Variants in SYCE2 observed in about 807,000 individuals in gnomAD.
The protein encoded by SYCE2 is synaptonemal complex central element protein 2.
SYCE2 carries 3 observed loss-of-function variants against 27.9 expected under a neutral mutation model. The observed-to-expected ratio is 0.11, with a 90% confidence interval of 0.05 to 0.28. The LOEUF is 0.28. Ranked by LOEUF, SYCE2 falls within the 10% of genes least tolerant of loss-of-function variation. The pLI is 1.00. For synonymous variants in SYCE2, 85 were observed against 100.7 expected (o/e 0.84, Z 0.93); for missense variants, 207 against 263.5 (o/e 0.79, Z 1.48).
intron 2 of SYCE2, among the ~76,000 whole-genome samples, chr19:12,910,671 C>A (rs1485577874): frequency 6.6e-6 from 1 of 151,048 alleles, no homozygotes; most frequent in Admixed American, 6.6e-5. Context: ...CCACGCCTGA[C>A]CTTTTATATA....
rs1280694858 is a variant in SYCE2 at position 12,903,396 on chromosome 19, CT to C, written c.306+1095del. ...CTGAGCCACCACGCCCGGCCCTCTT[CT>C]TTTTTTTTTTTTGAGACGGAGTCTC... On this transcript the variant is annotated intron_variant, in intron 3 of 5. Coordinates refer to ENST00000293695, the MANE Select transcript of SYCE2 (RefSeq NM_001105578.2). Among the ~76,000 whole-genome samples, 227 of 124,802 alleles carry C rather than the reference CT, an allele frequency of 1.8e-3. 1 individual carries two copies. Among genetic ancestry groups the C allele is most frequent in the East Asian group, 5.0e-3 (20 of 3,978 alleles). 81.9% of individuals were successfully genotyped at this position (124,802 alleles called of 152,430 possible).
chr19:12,904,591 G>A lies in SYCE2; in HGVS notation c.207C>T (p.Ile69=). Residue 69 remains isoleucine, a synonymous_variant, in exon 3 of 6, where the codon ATC becomes ATT. Coordinates refer to ENST00000293695, the MANE Select transcript of SYCE2 (RefSeq NM_001105578.2). ...TCAGCTCCTGGGCTCTCTTCTGCAG[G>A]ATGTCAATGCTTGAGTCCAGAGAGG... is the stretch of plus-strand genomic sequence containing the variant. ...YFSSLDSSID[I]LQKRAQELIE... 6.2e-7 allele frequency: 1 copy of A among 1,614,052 alleles called. No individual in the cohort carries two copies. The highest frequency in any genetic ancestry group is 8.5e-7 in the Non-Finnish European group (1 of 1,180,028).
Position 12,900,116 on chromosome 19 carries a change from C to G in SYCE2, c.500G>C (p.Ser167Thr). 6.2e-7 allele frequency: 1 copy of G among 1,603,334 alleles called. No individual in the cohort carries two copies. Among genetic ancestry groups the G allele is most frequent in the Non-Finnish European group, 8.5e-7 (1 of 1,176,698 alleles). ...YKDLCLQPEQSLRLRWGPDHS... is the reference protein window; with the variant it reads ...YKDLCLQPEQTLRLRWGPDHS... ...GTCTGGCCCCCATCTGAGTCTTAGG[C>G]TCTGCTGTAAAAAAGAAACCCAGGT... Residue 167 changes from serine (S) to threonine (T), a missense_variant, in exon 5 of 6, where the codon AGC becomes ACC. Ser to Thr is a moderately conservative substitution (Grantham distance 58, BLOSUM62 1). Transcript: ENST00000293695.
At chr19:12,913,436 A>C (rs741702) in intron 2 of SYCE2, among the ~76,000 whole-genome samples, 95,234 of 151,934 alleles carry the variant, frequency 0.63, 30,244 homozygotes, top group East Asian at 0.85. Flanking sequence ...ATGACCACCG[A>C]GGGTGGCAGT....
At position 12,918,201 on chromosome 19, in the gene SYCE2, T is replaced by C. The variant is rs201507870; in HGVS notation, c.131+21A>G. On this transcript the variant is annotated intron_variant, in intron 2 of 5. Coordinates refer to ENST00000293695, the MANE Select transcript of SYCE2 (RefSeq NM_001105578.2). ...GGACCCAGGGGCCTGTGTAGACCCA[T>C]AGGGCTGGGATCTTCCTCACCTAGC... The C allele has an allele frequency of 1.3e-3, 2,010 of 1,603,172 alleles. 4 individuals are homozygous for C. The highest frequency in any genetic ancestry group is 1.5e-3 in the Non-Finnish European group (1,752 of 1,170,148).
rs897150389 is a variant in SYCE2, at chr19:12,899,827, A to G, written c.612+177T>C. On this transcript the variant is annotated intron_variant, in intron 5 of 5. Coordinates refer to ENST00000293695, the MANE Select transcript of SYCE2 (RefSeq NM_001105578.2). ...CAGCTTCTCTTGAGAGGAGAGTGAC[A>G]TGGAAGCAACTCCGTCTGCTGCAGC... 11 of 1,577,936 alleles carry G rather than the reference A, an allele frequency of 7.0e-6. No homozygotes were observed. The African/African-American group carries it at 1.3e-4, about 19-fold the overall frequency.
chr19:12,918,979 A>T (rs1971192043), intron 1 of SYCE2, among the ~76,000 whole-genome samples: 1 of 151,504 alleles, frequency 6.6e-6, no homozygotes, highest in Non-Finnish European at 1.5e-5. Flanking sequence ...AAATGAAAGA[A>T]ACGGGTGCGG....
chr19:12,903,096 T>A (rs907938963), intron 3 of SYCE2, among the ~76,000 whole-genome samples: 1 of 146,644 alleles, frequency 6.8e-6, no homozygotes, highest in Non-Finnish European at 1.5e-5. Context: ...TTTTTCTTCT[T>A]TTTTTTTTTT....
At chr19:12,904,910 CAGG>C (rs1297689212) in intron 2 of SYCE2, among the ~76,000 whole-genome samples, 1 of 151,758 alleles carries the variant, frequency 6.6e-6, no homozygotes, top group Non-Finnish European at 1.5e-5. Context: ...GAGGCTGAGG[CAGG>C]AGAATTGCTT....
At chr19:12,912,663 T>C (rs1050768399) in intron 2 of SYCE2, among the ~76,000 whole-genome samples, 3 of 152,194 alleles carry the variant, frequency 2.0e-5, no homozygotes, top group Non-Finnish European at 4.4e-5. Context: ...ACCAGGTGTT[T>C]CTTTTTGTGT....
intron 4 of SYCE2, 49 bp from the exon 5 acceptor site, chr19:12,900,169 T>C (rs1172194798): frequency 3.8e-6 from 6 of 1,564,392 alleles, no homozygotes; most frequent in Non-Finnish European, 3.5e-6. Context: ...GCCAGGGCTG[T>C]GGGCAGAGGG....
Position 12,919,246 on chromosome 19 carries a change from C to T in SYCE2, c.12G>A (p.Gln4=), listed in dbSNP as rs1367356118. MER[Q]GVDVPHVKCK... is the part of the protein sequence containing the mutation. ...GAAGGAAACAAGCGCCGCGTACTCC[C>T]TGTCGCTCCATTCCGTATTTTCCCG... Residue 4 remains glutamine, a synonymous_variant, in exon 1 of 6, where the codon CAG becomes CAA. Coordinates refer to ENST00000293695, the MANE Select transcript of SYCE2 (RefSeq NM_001105578.2). The T allele has an allele frequency of 1.4e-5, 23 of 1,611,322 alleles. No homozygotes were observed. Among genetic ancestry groups the T allele is most frequent in the Non-Finnish European group, 1.9e-5 (23 of 1,180,020 alleles).
chr19:12,904,960 C>T (rs572533225), intron 2 of SYCE2, among the ~76,000 whole-genome samples: 133 of 151,526 alleles, frequency 8.8e-4, no homozygotes, highest in African/African-American at 3.2e-3. Context: ...GCCGAGATCA[C>T]GCCACTGTAC....
At chr19:12,918,931 A>G (rs1390063759) in intron 1 of SYCE2, among the ~76,000 whole-genome samples, 1 of 148,940 alleles carries the variant, frequency 6.7e-6, no homozygotes, top group East Asian at 2.0e-4. Flanking sequence ...AGACTGGGCG[A>G]CAGAGTGATA....
chr19:12,900,324 T>G, intron 4 of SYCE2, 136 bp downstream of exon 4: 2 of 1,106,218 alleles, frequency 1.8e-6, no homozygotes, highest in Non-Finnish European at 1.3e-6. Context: ...AGATGGTGAG[T>G]GCACCAAGGG....
chr19:12,908,485 C>T (rs1004843482), intron 2 of SYCE2, among the ~76,000 whole-genome samples: 6 of 151,784 alleles, frequency 4.0e-5, no homozygotes, highest in Admixed American at 1.3e-4. Context: ...CCACCACGCC[C>T]GGCTAATTTT....
intron 4 of SYCE2, 134 bp from the exon 5 acceptor site, chr19:12,900,254 G>A: frequency 8.4e-7 from 1 of 1,194,208 alleles, no homozygotes. Context: ...ACAACAGTGG[G>A]ACATGACAAC....
At chr19:12,917,720 C>T (rs1971162660) in intron 2 of SYCE2, among the ~76,000 whole-genome samples, 1 of 127,982 alleles carries the variant, frequency 7.8e-6, no homozygotes, top group Non-Finnish European at 1.6e-5. Context: ...AGTGCAATGG[C>T]GCCATCTCAG....
At chr19:12,905,308 G>A (rs1191745671) in intron 2 of SYCE2, among the ~76,000 whole-genome samples, 1 of 152,072 alleles carries the variant, frequency 6.6e-6, no homozygotes, top group East Asian at 1.9e-4. Context: ...TGGAATTTTG[G>A]AATACCAATA....
Sources: gnomAD v4.1 joint callset for allele counts (sites outside exome capture counted in the v4.1 genomes callset) on GRCh38, gnomAD v4.1.1 for gene constraint, MANE v1.5 for transcripts, NCBI Gene and HGNC (gene_info 2026-07-23, HGNC 2026-07-21) for gene names.